Variants in LYRM4 observed in about 807,000 individuals in gnomAD.
The protein encoded by LYRM4 is LYR motif-containing protein 4.
A neutral mutation model predicts 11.7 loss-of-function variants in LYRM4; 9 were observed. The observed-to-expected ratio is 0.77, with a 90% CI of 0.46 to 1.34. The LOEUF is 1.34. Ranked by LOEUF, LYRM4 falls within the 40% of genes most tolerant of loss-of-function variation. LYRM4 has a pLI of 0.00. For missense variants in LYRM4, 133 were observed against 112.5 expected, an observed-to-expected ratio of 1.18 and a Z score of -0.82; for synonymous variants, 42 against 40.4, an observed-to-expected ratio of 1.04 and a Z score of -0.15.
intron 2 of LYRM4, among the ~76,000 whole-genome samples, chr6:5,125,714 CTG>C (rs927310055): frequency 1.3e-5 from 2 of 152,204 alleles, no homozygotes; most frequent in African/African-American, 2.4e-5. Context: ...AACTAGGAAA[CTG>C]AGATATCTGA....
the LYRM4 span, among the ~76,000 whole-genome samples, chr6:5,049,278 G>C: frequency 6.6e-6 from 1 of 152,168 alleles, no homozygotes; most frequent in Non-Finnish European, 1.5e-5. Flanking sequence ...CAAATTGAGA[G>C]CTGAGGATGG....
At chr6:5,257,735 C>G (rs1174669144) in intron 1 of LYRM4, among the ~76,000 whole-genome samples, 1 of 152,170 alleles carries the variant, frequency 6.6e-6, no homozygotes, top group East Asian at 1.9e-4. Context: ...GCCTGATGAT[C>G]TGAGGTGGAA....
At chr6:5,117,612 A>C (rs976595090) in intron 2 of LYRM4, among the ~76,000 whole-genome samples, 1 of 152,120 alleles carries the variant, frequency 6.6e-6, no homozygotes, top group African/African-American at 2.4e-5. Context: ...TGTAGCCAGA[A>C]TATTTCTTGG....
At chr6:5,233,271 G>T (rs529441717) in intron 1 of LYRM4, among the ~76,000 whole-genome samples, 1 of 152,356 alleles carries the variant, frequency 6.6e-6, no homozygotes, top group South Asian at 2.1e-4. Flanking sequence ...CCGAAAGCAG[G>T]TGACAATCAG....
At chr6:5,042,460 C>T in the LYRM4 span, 1 of 152,610 alleles carries the variant, frequency 6.6e-6, no homozygotes, top group South Asian at 2.1e-4. Context: ...AACCTTTCAG[C>T]ACAGTTTGCC....
At chr6:5,242,706 C>T (rs1003949379) in intron 1 of LYRM4, among the ~76,000 whole-genome samples, 10 of 151,434 alleles carry the variant, frequency 6.6e-5, no homozygotes, top group East Asian at 2.0e-4. Flanking sequence ...GCAACGAGAG[C>T]GAAACCCCTT....
At chr6:5,184,679 G>T (rs1760276785) in intron 2 of LYRM4, among the ~76,000 whole-genome samples, 1 of 152,188 alleles carries the variant, frequency 6.6e-6, no homozygotes, top group Non-Finnish European at 1.5e-5. Context: ...AGACCCTTTT[G>T]CTCATATGCC....
chr6:5,056,629 C>G, the LYRM4 span, among the ~76,000 whole-genome samples: 1,203 of 152,294 alleles, frequency 7.9e-3, 19 homozygotes, highest in African/African-American at 0.027. Context: ...CAATGCTGAT[C>G]TCATCATAAA....
intron 2 of LYRM4, among the ~76,000 whole-genome samples, chr6:5,134,200 T>C (rs1378156085): frequency 1.3e-5 from 2 of 152,254 alleles, no homozygotes; most frequent in African/African-American, 4.8e-5. Flanking sequence ...TTTTACAAGC[T>C]TCCCAGGTGA....
At chr6:5,185,851 T>C (rs1034736787) in intron 2 of LYRM4, among the ~76,000 whole-genome samples, 2 of 151,914 alleles carry the variant, frequency 1.3e-5, no homozygotes, top group African/African-American at 4.8e-5. Flanking sequence ...TAATGAAAGC[T>C]TGGGCAGTGC....
chr6:5,108,716 G>C lies in LYRM4; in HGVS notation c.*707C>G, dbSNP rs1762744509. On this transcript the variant is annotated 3_prime_UTR_variant, in exon 3 of 3. Transcript: ENST00000330636. Reference sequence around the variant, plus strand: ...CGCCCTGGGCTTGGGTCAGGCTGGGGCTCTCTCATTCACCAGGTGTGGGGA... The same window carrying C: ...CGCCCTGGGCTTGGGTCAGGCTGGGCCTCTCTCATTCACCAGGTGTGGGGA... 1 of 916,678 alleles carries C rather than the reference G, an allele frequency of 1.1e-6. No individual in the cohort carries two copies. Among genetic ancestry groups the C allele is most frequent in the African/African-American group, 1.8e-5 (1 of 55,934 alleles). 56.8% of individuals were successfully genotyped at this position (916,678 alleles called of 1,614,324 possible). A position where few individuals can be genotyped will look rare whatever the true frequency, so the allele number is the denominator to read the frequency against.
At chr6:5,156,850 G>T (rs779401280) in intron 2 of LYRM4, among the ~76,000 whole-genome samples, 4 of 152,204 alleles carry the variant, frequency 2.6e-5, no homozygotes, top group Non-Finnish European at 4.4e-5. Flanking sequence ...GCGCAGCTCT[G>T]CAGCTGCTCA....
chr6:5,071,440 GC>G, the LYRM4 span, among the ~76,000 whole-genome samples: 1 of 151,908 alleles, frequency 6.6e-6, no homozygotes, highest in South Asian at 2.1e-4. Context: ...CCTCCAGCAA[GC>G]AGGGCTGGGA....
intron 2 of LYRM4, among the ~76,000 whole-genome samples, chr6:5,200,004 A>G (rs1419658415): frequency 6.6e-6 from 1 of 152,210 alleles, no homozygotes; most frequent in Non-Finnish European, 1.5e-5. Context: ...AAAATTTTAC[A>G]TATGTCTTTC....
the LYRM4 span, among the ~76,000 whole-genome samples, chr6:5,058,243 T>G: frequency 2.0e-5 from 3 of 152,128 alleles, no homozygotes; most frequent in South Asian, 2.1e-4. Context: ...AGCCACTGCT[T>G]CTTTTTGTCA....
At chr6:5,223,643 T>C (rs1762715315) in intron 1 of LYRM4, among the ~76,000 whole-genome samples, 2 of 152,256 alleles carry the variant, frequency 1.3e-5, no homozygotes, top group African/African-American at 4.8e-5. Context: ...AGTGTTCCTA[T>C]AAATAGTTCA....
At chr6:5,124,459 G>T (rs970922538) in intron 2 of LYRM4, among the ~76,000 whole-genome samples, 2 of 152,162 alleles carry the variant, frequency 1.3e-5, no homozygotes, top group African/African-American at 4.8e-5. Flanking sequence ...TATGTCCTTT[G>T]CTTCTTTGTT....
chr6:5,147,455 T>C (rs973039934), intron 2 of LYRM4, among the ~76,000 whole-genome samples: 1 of 152,138 alleles, frequency 6.6e-6, no homozygotes, highest in Non-Finnish European at 1.5e-5. Context: ...TGACCAGAAG[T>C]AGATGGTGTC....
chr6:5,156,979 C>A (rs1002914674), intron 2 of LYRM4, among the ~76,000 whole-genome samples: 4 of 152,200 alleles, frequency 2.6e-5, no homozygotes, highest in Non-Finnish European at 5.9e-5. Flanking sequence ...ACACACCCCT[C>A]TGGCCTTTTG....
Sources: gnomAD v4.1 joint callset for allele counts (sites outside exome capture counted in the v4.1 genomes callset) on GRCh38, gnomAD v4.1.1 for gene constraint, MANE v1.5 for transcripts, NCBI Gene and HGNC (gene_info 2026-07-23, HGNC 2026-07-21) for gene names.